The following ZNF485 variants were observed in gnomAD, a reference collection of about 807,000 sequenced individuals.
ZNF485 encodes zinc finger protein 485.
In ZNF485, 9 loss-of-function variants were observed where a neutral mutation model predicts 10.8. The observed-to-expected ratio is 0.83, with a 90% CI of 0.50 to 1.45. ZNF485 has a LOEUF of 1.45. ZNF485 is among the 40% of genes most tolerant of loss of function. The pLI, the probability that ZNF485 is intolerant of heterozygous loss-of-function variation, is 0.00. For synonymous variants in ZNF485, 187 were observed against 181.0 expected (o/e 1.03, Z -0.27); for missense variants, 487 against 528.0 (o/e 0.92, Z 0.76).
Position 43,617,010 on chromosome 10 carries a change from G to T in ZNF485, c.967G>T (p.Glu323Ter). The T allele has an allele frequency of 6.2e-7, 1 of 1,614,184 alleles. No individual in the cohort carries two copies. The highest frequency in any genetic ancestry group is 8.5e-7 in the Non-Finnish European group (1 of 1,180,046). The change falls in exon 5 of 5, where the codon GAG becomes TAG. Residue 323 changes from glutamate to a stop codon, truncating the protein, a stop_gained. Transcript: ENST00000361807. LOFTEE classifies it low-confidence loss of function (END_TRUNC). ...LISHQRMHTG[E>*]KPYHCSKCGK... The stretch of plus-strand genomic sequence containing the variant: ...TAGTCACCAAAGAATGCATACTGGG[G>T]AGAAACCCTATCACTGCAGTAAATG...
At chr10:43,610,086 G>GT (rs1025549096) in intron 4 of ZNF485, among the ~76,000 whole-genome samples, 59 of 152,164 alleles carry the variant, frequency 3.9e-4, no homozygotes, top group African/African-American at 1.3e-3. Context: ...CATAAGCATG[G>GT]TTTTTTAGCT....
At chr10:43,611,569 A>T (rs914965369) in intron 4 of ZNF485, among the ~76,000 whole-genome samples, 2 of 152,170 alleles carry the variant, frequency 1.3e-5, no homozygotes, top group Non-Finnish European at 2.9e-5. Flanking sequence ...TAAATCCACC[A>T]AATTTGGTGG....
In ZNF485 at chr10:43,616,986, A is replaced by C; in HGVS notation, c.943A>C (p.Ser315Arg). 1 of 1,614,166 alleles carries C rather than the reference A, an allele frequency of 6.2e-7. No homozygotes were observed. Among genetic ancestry groups the C allele is most frequent in the Non-Finnish European group, 8.5e-7 (1 of 1,180,038 alleles). The change falls in exon 5 of 5, where the codon AGT becomes CGT. Residue 315 changes from serine to arginine, a missense_variant. By Grantham distance (110) the Ser-to-Arg change is moderately radical. Coordinates refer to ENST00000361807, the MANE Select transcript of ZNF485 (RefSeq NM_145312.4). The part of the protein sequence containing the change: ...KAFRKSSTLI[S>R]HQRMHTGEKP... ...CTTTAGGAAGAGCTCAACTCTTATT[A>C]GTCACCAAAGAATGCATACTGGGGA... is the stretch of plus-strand genomic sequence containing the variant.
chr10:43,608,983 T>C (rs1838713467), intron 3 of ZNF485, among the ~76,000 whole-genome samples: 1 of 152,158 alleles, frequency 6.6e-6, no homozygotes, highest in South Asian at 2.1e-4. Context: ...AATGTTTCTG[T>C]GTCATGATTC....
rs762290361 is a variant in ZNF485 at position 43,616,406 on chromosome 10, G to C, written c.363G>C (p.Glu121Asp). Reference sequence around the variant, plus strand: ...TGATGGAAAAAGGCCTGGACTGGGAGGGCAGAAGCTCCACAGAGAAGAACT... The same window carrying C: ...TGATGGAAAAAGGCCTGGACTGGGACGGCAGAAGCTCCACAGAGAAGAACT... ...SVMMEKGLDW[E>D]GRSSTEKNYK... The change falls in exon 5 of 5, where the codon GAG becomes GAC. Residue 121 changes from glutamate (E) to aspartate (D), a missense_variant. Glu to Asp is a conservative substitution (Grantham distance 45). Coordinates refer to ENST00000361807, the MANE Select transcript of ZNF485 (RefSeq NM_145312.4). The C allele has an allele frequency of 4.8e-5, 78 of 1,614,026 alleles. No individual in the cohort carries two copies. Among genetic ancestry groups the C allele is most frequent in the Non-Finnish European group, 6.5e-5 (77 of 1,180,034 alleles).
rs1362031303 is a variant in ZNF485 at position 43,611,562 on chromosome 10, ATCCACCAAATTT to A, written c.247+2213_247+2224del. 7.9e-5 allele frequency among the ~76,000 whole-genome samples: 12 copies of A among 152,328 alleles called. 1 individual carries two copies. The East Asian group carries it at 1.5e-3, about 20-fold the overall frequency. ...AATTGTTAAAGGTTAAAATTTTTAA[ATCCACCAAATTT>A]GGTGGGTATTTCCGCTATTCATAAA... On this transcript the variant is annotated intron_variant, in intron 4 of 4. Transcript: ENST00000361807.
chr10:43,617,487 A>G lies in ZNF485; in HGVS notation c.*118A>G. 1.3e-6 allele frequency: 1 copy of G among 769,044 alleles called. No individual in the cohort carries two copies. The highest frequency in any genetic ancestry group is 2.1e-6 in the Non-Finnish European group (1 of 485,920). The allele number at this position is 769,044 out of a possible 1,614,324, so 47.6% of individuals were successfully genotyped here. On this transcript the variant is annotated 3_prime_UTR_variant, in exon 5 of 5. Coordinates refer to ENST00000361807, the MANE Select transcript of ZNF485 (RefSeq NM_145312.4). ...CTGAGAGAACACATCACTTGTGAGG[A>G]TATTCATTGTGAGGTTCTACTAGTG...
intron 2 of ZNF485, among the ~76,000 whole-genome samples, chr10:43,608,324 G>A (rs776062889): frequency 3.3e-5 from 5 of 152,200 alleles, no homozygotes; most frequent in Non-Finnish European, 7.3e-5. Context: ...AATGGGTTTC[G>A]AGACTGAGTG....
In ZNF485 at chr10:43,617,246, G is replaced by C; in HGVS notation, c.1203G>C (p.Gln401His). 6.2e-7 allele frequency: 1 copy of C among 1,614,144 alleles called. No individual in the cohort carries two copies. Among genetic ancestry groups the C allele is most frequent in the South Asian group, 1.1e-5 (1 of 91,066 alleles). The change falls in exon 5 of 5, where the codon CAG becomes CAC. Residue 401 changes from glutamine to histidine, a missense_variant. Physicochemically the swap from Gln to His is conservative, Grantham distance 24. Transcript: ENST00000361807. ...FRHSSGLVEH[Q>H]RLHTGEKPYK... ...ACAGCTCAGGCCTTGTTGAACATCA[G>C]AGACTCCATACTGGGGAAAAACCTT...
intron 4 of ZNF485, among the ~76,000 whole-genome samples, chr10:43,611,714 A>G (rs1210464645): frequency 1.3e-5 from 2 of 152,178 alleles, no homozygotes; most frequent in Admixed American, 1.3e-4. Context: ...ATATTTTATT[A>G]TAATTTTAAT....
Position 43,607,653 on chromosome 10 carries a change from G to A in ZNF485, c.24+579G>A, listed in dbSNP as rs567503680. On this transcript the variant is annotated intron_variant, in intron 2 of 4. Transcript: ENST00000361807. ...GATTAAATAATTGGTATTTTGAAAG[G>A]AAGTGATAAACATTTGAGTGTCTAT... Among the ~76,000 whole-genome samples the A allele has an allele frequency of 1.1e-4, 16 of 152,272 alleles. No homozygotes were observed. In the South Asian group the frequency reaches 1.2e-3, roughly 12 times the overall value.
In ZNF485 at chr10:43,607,081, T is replaced by C. The variant is rs929115549; in HGVS notation, c.24+7T>C. 8 of 1,551,424 alleles carry C rather than the reference T, an allele frequency of 5.2e-6. No homozygotes were observed. The highest frequency in any genetic ancestry group is 6.1e-6 in the Non-Finnish European group (7 of 1,147,030). On this transcript the variant is annotated splice_region_variant and intron_variant, in intron 2 of 4. Transcript: ENST00000361807. ...CCCAAGAGCCCAGATCCAGGCAAGTTTGATTTTTCCATTTCTTGAGAAACC... is the reference window on the plus strand; with the variant it reads ...CCCAAGAGCCCAGATCCAGGCAAGTCTGATTTTTCCATTTCTTGAGAAACC...
chr10:43,610,255 C>T (rs1838744138), intron 4 of ZNF485, among the ~76,000 whole-genome samples: 1 of 152,100 alleles, frequency 6.6e-6, no homozygotes, highest in African/African-American at 2.4e-5. Flanking sequence ...GTCACTTTCT[C>T]TGTGCCATAG....
rs1239188171 is a variant in ZNF485 at position 43,617,090 on chromosome 10, T to C, written c.1047T>C (p.Ser349=). ...SSFAGHQKTH[S]GNKPYQCRDC... is the part of the protein sequence containing the mutation. ...TTGCTGGTCATCAGAAAACTCACAG[T>C]GGAAATAAACCGTATCAGTGTCGTG... The change falls in exon 5 of 5, where the codon AGT becomes AGC. Residue 349 remains serine (S), a synonymous_variant. Coordinates refer to ENST00000361807, the MANE Select transcript of ZNF485 (RefSeq NM_145312.4). 6.2e-7 allele frequency: 1 copy of C among 1,614,186 alleles called. No homozygotes were observed. Among genetic ancestry groups the C allele is most frequent in the South Asian group, 1.1e-5 (1 of 91,084 alleles).
chr10:43,614,364 A>G (rs562034169), intron 4 of ZNF485, among the ~76,000 whole-genome samples: 1 of 152,242 alleles, frequency 6.6e-6, no homozygotes, highest in South Asian at 2.1e-4. Context: ...GATGAATAGC[A>G]GTTCTTCCTT....
chr10:43,616,872 A>G lies in ZNF485; in HGVS notation c.829A>G (p.Arg277Gly). The G allele has an allele frequency of 6.2e-7, 1 of 1,614,140 alleles. No individual in the cohort carries two copies. The highest frequency in any genetic ancestry group is 2.2e-5 in the East Asian group (1 of 44,882). ...GCCTTTTAAATGTAACAAGTGTGGG[A>G]GAGCTTTCAGGGATAATTCAACTGT... ...EKPFKCNKCG[R>G]AFRDNSTVLE... The change falls in exon 5 of 5, where the codon AGA (arginine) becomes GGA (glycine). Residue 277 changes from arginine to glycine, a missense_variant. Transcript: ENST00000361807.
chr10:43,607,061 G>A lies in ZNF485; in HGVS notation c.11G>A (p.Arg4Lys). The A allele has an allele frequency of 6.4e-7, 1 of 1,551,808 alleles. No individual in the cohort carries two copies. Among genetic ancestry groups the A allele is most frequent in the Non-Finnish European group, 8.7e-7 (1 of 1,147,026 alleles). The change falls in exon 2 of 5, where the codon AGA (arginine) becomes AAA (lysine). Residue 4 changes from arginine (R) to lysine (K), a missense_variant. Physicochemically the swap from Arg to Lys is conservative, Grantham distance 26. Transcript: ENST00000361807. ...CAGTTCAGGAGACAGATGGCCCCAA[G>A]AGCCCAGATCCAGGCAAGTTTGATT... MAP[R>K]AQIQGPLTFG... is the part of the protein sequence containing the mutation.
Position 43,617,407 on chromosome 10 carries a change from C to G in ZNF485, c.*38C>G, listed in dbSNP as rs79911570. ...TGCAGAGTAGTTTATTCCTTCTGAC[C>G]ATCATAGAGGAGACATTAAATAAAT... On this transcript the variant is annotated 3_prime_UTR_variant, in exon 5 of 5. Coordinates refer to ENST00000361807, the MANE Select transcript of ZNF485 (RefSeq NM_145312.4). 177 of 1,385,814 alleles carry G rather than the reference C, an allele frequency of 1.3e-4. No individual in the cohort carries two copies. The African/African-American group carries it at 2.2e-3, about 18-fold the overall frequency. The allele number at this position is 1,385,814 out of a possible 1,614,324, so 85.8% of individuals were successfully genotyped here. A position where few individuals can be genotyped will look rare whatever the true frequency, so the allele number is the denominator to read the frequency against.
At chr10:43,611,262 C>T (rs1588840425) in intron 4 of ZNF485, among the ~76,000 whole-genome samples, 1 of 151,798 alleles carries the variant, frequency 6.6e-6, no homozygotes, top group Middle Eastern at 3.4e-3. Flanking sequence ...GAGATGAGAT[C>T]TCGCTATTTT....
Sources: gnomAD v4.1 joint callset for allele counts (sites outside exome capture counted in the v4.1 genomes callset) on GRCh38, gnomAD v4.1.1 for gene constraint, MANE v1.5 for transcripts, NCBI Gene and HGNC (gene_info 2026-07-23, HGNC 2026-07-21) for gene names.